RGPD3: variants seen among roughly 807,000 people sequenced by gnomAD.
The protein encoded by RGPD3 is RANBP2 like and GRIP domain containing 3.
Under a neutral mutation model 154.5 loss-of-function variants are expected in RGPD3, and 62 were observed. The ratio of observed to expected loss-of-function variants is 0.40; its 90% CI spans 0.33 to 0.50. RGPD3 has a LOEUF of 0.50. Ranked by LOEUF, RGPD3 falls within the 20% of genes least tolerant of loss-of-function variation. RGPD3 has a pLI of 0.59. For synonymous variants in RGPD3, 308 were observed against 607.0 expected, an observed-to-expected ratio of 0.51 and a Z score of 7.24; for missense variants, 919 against 1,716.8, an observed-to-expected ratio of 0.54 and a Z score of 8.21.
At chr2:106,410,534 TAA>T (rs1676637247) in intron 22 of RGPD3, among the ~76,000 whole-genome samples, 1 of 152,220 alleles carries the variant, frequency 6.6e-6, no homozygotes, top group South Asian at 2.1e-4. Flanking sequence ...GCTGAGCTTT[TAA>T]AAGAGGGCTG....
chr2:106,436,048 A>T, intron 12 of RGPD3, 75 bp downstream of exon 12: 6 of 1,522,862 alleles, frequency 3.9e-6, no homozygotes, highest in Non-Finnish European at 5.3e-6. Flanking sequence ...GAACAAAAAA[A>T]CTTTCAATAA....
At chr2:106,466,921 C>T (rs1391863853) in intron 1 of RGPD3, among the ~76,000 whole-genome samples, 1 of 113,454 alleles carries the variant, frequency 8.8e-6, no homozygotes, top group Non-Finnish European at 1.9e-5. Context: ...CAGAGCGCGC[C>T]AGGGAGCAGC....
chr2:106,424,106 C>T lies in RGPD3; in HGVS notation c.3861G>A (p.Glu1287=), dbSNP rs762707159. 2.6e-6 allele frequency: 4 copies of T among 1,567,120 alleles called. No individual in the cohort carries two copies. The highest frequency in any genetic ancestry group is 3.5e-6 in the Non-Finnish European group (4 of 1,147,470). ...PVRKNLFHFD[E]STTGSNFSFK... ...AACTGAAGTTAGATCCTGTTGTTGA[C>T]TCATCAAAGTGGAAAAGATTTTTTC... is the stretch of plus-strand genomic sequence containing the variant. The change falls in exon 20 of 23, where the codon GAG becomes GAA. Residue 1287 remains glutamate (E), a synonymous_variant. Coordinates refer to ENST00000409886, the MANE Select transcript of RGPD3 (RefSeq NM_001144013.2).
In RGPD3 at chr2:106,404,978, T is replaced by G; in HGVS notation, c.*241A>C. On this transcript the variant is annotated 3_prime_UTR_variant, in exon 23 of 23. Transcript: ENST00000409886. Reference sequence around the variant, plus strand: ...GAGGGCTGTGGCCTGGTATCAACACTTCAAGCTGTTGTACTTTTACTTCAA... The same window carrying G: ...GAGGGCTGTGGCCTGGTATCAACACGTCAAGCTGTTGTACTTTTACTTCAA... 2 of 624,802 alleles carry G rather than the reference T, an allele frequency of 3.2e-6. No individual in the cohort carries two copies. Among genetic ancestry groups the G allele is most frequent in the South Asian group, 4.1e-5 (2 of 48,312 alleles). The allele number at this position is 624,802 out of a possible 1,614,324, so 38.7% of individuals were successfully genotyped here.
At chr2:106,464,945 G>A (rs950053935) in intron 1 of RGPD3, among the ~76,000 whole-genome samples, 13 of 145,774 alleles carry the variant, frequency 8.9e-5, no homozygotes, top group Middle Eastern at 3.4e-3. Context: ...CTGGTCTCTC[G>A]GCCTCCCAGA....
At chr2:106,411,854 G>A (rs1448461193) in intron 22 of RGPD3, among the ~76,000 whole-genome samples, 3 of 151,924 alleles carry the variant, frequency 2.0e-5, no homozygotes, top group South Asian at 2.1e-4. Flanking sequence ...TAAAGCTTAA[G>A]GAACATCAAC....
Position 106,424,766 on chromosome 2 carries a change from T to A in RGPD3, c.3201A>T (p.Leu1067=), listed in dbSNP as rs752228765. ...GACTTACCTCAGCATCAAATCTAAA[T>A]AGTTTTACCCCCTGTGAATACAGAA... is the stretch of plus-strand genomic sequence containing the variant. ...EKVLYSQGVK[L]FRFDAEVSQW... Residue 1067 remains leucine, a synonymous_variant, in exon 20 of 23, where the codon CTA becomes CTT. Transcript: ENST00000409886. 1 of 1,611,774 alleles carries A rather than the reference T, an allele frequency of 6.2e-7. No individual in the cohort carries two copies. Among genetic ancestry groups the A allele is most frequent in the African/African-American group, 1.3e-5 (1 of 74,802 alleles).
At chr2:106,449,142 C>T (rs1678029162) in intron 6 of RGPD3, among the ~76,000 whole-genome samples, 1 of 151,658 alleles carries the variant, frequency 6.6e-6, no homozygotes, top group African/African-American at 2.4e-5. Context: ...TACTTTTTTG[C>T]TGTTGGAAAA....
intron 9 of RGPD3, among the ~76,000 whole-genome samples, chr2:106,438,556 T>A (rs1251933144): frequency 6.6e-6 from 1 of 150,646 alleles, no homozygotes; most frequent in Non-Finnish European, 1.5e-5. Context: ...CCAAGGCAGG[T>A]GGATCACCTG....
Position 106,403,604 on chromosome 2 carries a change from G to T in RGPD3, c.*1615C>A, listed in dbSNP as rs1210705191. ...AAAGGTCTCAAGTCAAAGAGAAAGT[G>T]AAATATATTTAAATATGATTAGTTA... On this transcript the variant is annotated 3_prime_UTR_variant, in exon 23 of 23. Coordinates refer to ENST00000409886, the MANE Select transcript of RGPD3 (RefSeq NM_001144013.2). Among the ~76,000 whole-genome samples, 1 of 152,278 alleles carries T rather than the reference G, an allele frequency of 6.6e-6. No homozygotes were observed. Among genetic ancestry groups the T allele is most frequent in the Non-Finnish European group, 1.5e-5 (1 of 68,056 alleles).
intron 22 of RGPD3, among the ~76,000 whole-genome samples, chr2:106,405,640 T>C (rs1423562122): frequency 6.6e-6 from 1 of 152,218 alleles, no homozygotes; most frequent in Non-Finnish European, 1.5e-5. Context: ...CCTCACAGTG[T>C]TGGGATTACA....
intron 1 of RGPD3, among the ~76,000 whole-genome samples, chr2:106,465,360 C>A (rs370157592): frequency 6.6e-6 from 1 of 152,174 alleles, no homozygotes; most frequent in Middle Eastern, 3.4e-3. Context: ...AAATGACTTT[C>A]AATTTGGGGG....
Position 106,424,601 on chromosome 2 carries a change from G to C in RGPD3, c.3366C>G (p.Pro1122=), listed in dbSNP as rs747401395. The C allele has an allele frequency of 6.2e-7, 1 of 1,611,176 alleles. No individual in the cohort carries two copies. The highest frequency in any genetic ancestry group is 8.5e-7 in the Non-Finnish European group (1 of 1,179,728). The change falls in exon 20 of 23, where the codon CCC becomes CCG. Residue 1122 remains proline (P), a synonymous_variant. Coordinates refer to ENST00000409886, the MANE Select transcript of RGPD3 (RefSeq NM_001144013.2). ...TCCATGCTCTATCTGATCCAGAGAGGGGCTTCAGGTTCATTGTAGTCGTTA... is the reference window on the plus strand; with the variant it reads ...TCCATGCTCTATCTGATCCAGAGAGCGGCTTCAGGTTCATTGTAGTCGTTA... ...HWITTTMNLK[P]LSGSDRAWMW...
intron 6 of RGPD3, among the ~76,000 whole-genome samples, chr2:106,448,373 G>C (rs1351874938): frequency 6.6e-6 from 1 of 152,124 alleles, no homozygotes; most frequent in African/African-American, 2.4e-5. Context: ...GCTTACCAAT[G>C]TGCCGGGATT....
chr2:106,410,829 T>C (rs1573238143), intron 22 of RGPD3, among the ~76,000 whole-genome samples: 1 of 152,152 alleles, frequency 6.6e-6, no homozygotes, highest in Non-Finnish European at 1.5e-5. Flanking sequence ...AAAATATACA[T>C]GATGTATTCT....
rs761924283 is a variant in RGPD3 at position 106,457,040 on chromosome 2, T to C, written c.336A>G (p.Gly112=). ...ELLCKNDVTD[G]RAEYWVERAA... ...CTCTTTCCACCCAGTATTCTGCTCT[T>C]CCATCAGTAACATCATTTTTACAAA... The change falls in exon 4 of 23, where the codon GGA becomes GGG. Residue 112 remains glycine, a synonymous_variant. Coordinates refer to ENST00000409886, the MANE Select transcript of RGPD3 (RefSeq NM_001144013.2). 34 of 1,611,494 alleles carry C rather than the reference T, an allele frequency of 2.1e-5. No homozygotes were observed. The highest frequency in any genetic ancestry group is 4.5e-5 in the East Asian group (2 of 44,774).
chr2:106,446,343 G>C (rs1334709605), intron 7 of RGPD3, among the ~76,000 whole-genome samples: 1 of 151,786 alleles, frequency 6.6e-6, no homozygotes, highest in Non-Finnish European at 1.5e-5. Context: ...CGAGGCAGGT[G>C]GATGACTAGG....
At position 106,424,764 on chromosome 2, in the gene RGPD3, A is replaced by G; in HGVS notation, c.3203T>C (p.Phe1068Ser). The G allele has an allele frequency of 6.2e-7, 1 of 1,611,790 alleles. No homozygotes were observed. Among genetic ancestry groups the G allele is most frequent in the Non-Finnish European group, 8.5e-7 (1 of 1,179,826 alleles). ...KVLYSQGVKL[F>S]RFDAEVSQWK... ...CTGACTTACCTCAGCATCAAATCTA[A>G]ATAGTTTTACCCCCTGTGAATACAG... Residue 1068 changes from phenylalanine to serine, a missense_variant, in exon 20 of 23, where the codon TTT (phenylalanine) becomes TCT (serine). Transcript: ENST00000409886.
intron 22 of RGPD3, 62 bp from the exon 23 acceptor site, chr2:106,405,291 C>A: frequency 6.6e-7 from 1 of 1,505,340 alleles, no homozygotes; most frequent in African/African-American, 1.4e-5. Flanking sequence ...AATGTAAAAT[C>A]TATATTTTAG....
Sources: gnomAD v4.1 joint callset for allele counts (sites outside exome capture counted in the v4.1 genomes callset) on GRCh38, gnomAD v4.1.1 for gene constraint, MANE v1.5 for transcripts, NCBI Gene and HGNC (gene_info 2026-07-23, HGNC 2026-07-21) for gene names.